WARS2: variants seen among roughly 807,000 people sequenced by gnomAD.
The protein encoded by WARS2 is tryptophanyl tRNA synthetase 2, mitochondrial.
A neutral mutation model predicts 36.5 loss-of-function variants in WARS2; 28 were observed. The ratio of observed to expected loss-of-function variants is 0.77; its 90% CI spans 0.57 to 1.05. WARS2 has a LOEUF of 1.05. WARS2 is among the 50% of genes least tolerant of loss of function. The pLI, the probability that WARS2 is intolerant of heterozygous loss-of-function variation, is 0.00. For synonymous variants in WARS2, 174 were observed against 178.4 expected (o/e 0.98, Z 0.20); for missense variants, 435 against 456.8 (o/e 0.95, Z 0.44).
chr1:119,063,732 G>C (rs532005291), intron 2 of WARS2: 2 of 152,236 alleles, frequency 1.3e-5, no homozygotes, highest in African/African-American at 4.8e-5. Flanking sequence ...ATGTGGTGTT[G>C]AGCCTGCAGG....
chr1:119,129,764 T>A (rs1399337345), intron 1 of WARS2, among the ~76,000 whole-genome samples: 1 of 152,036 alleles, frequency 6.6e-6, no homozygotes, highest in Admixed American at 6.6e-5. Flanking sequence ...CCATTCTCTC[T>A]AACAGATATG....
At chr1:119,135,233 A>C (rs897767954) in intron 1 of WARS2, among the ~76,000 whole-genome samples, 2 of 152,238 alleles carry the variant, frequency 1.3e-5, no homozygotes, top group African/African-American at 4.8e-5. Context: ...TGGAAGCTGC[A>C]GTATTTTTCA....
chr1:119,135,715 CAGAT>C (rs113027169), intron 1 of WARS2, among the ~76,000 whole-genome samples: 19,055 of 146,948 alleles, frequency 0.13, 1,282 homozygotes, highest in South Asian at 0.21. Context: ...ATTAGATAGA[CAGAT>C]AGATAGATAG....
Position 119,042,303 on chromosome 1 carries a change from G to A in WARS2, c.476C>T (p.Thr159Ile). The A allele has an allele frequency of 6.2e-7, 1 of 1,613,918 alleles. No homozygotes were observed. The highest frequency in any genetic ancestry group is 8.5e-7 in the Non-Finnish European group (1 of 1,179,914). Residue 159 changes from threonine (T) to isoleucine (I), a missense_variant, in exon 4 of 6, where the codon ACA becomes ATA. Physicochemically the swap from Thr to Ile is moderately conservative, Grantham distance 89. Coordinates refer to ENST00000235521, the MANE Select transcript of WARS2 (RefSeq NM_015836.4). ...QKHDGTVGLL[T>I]YPVLQAADIL... ...GTCGGCTGCCTGGAGTACTGGGTAT[G>A]TGAGCAGGCCCACCGTGCCATCGTG...
intron 1 of WARS2, among the ~76,000 whole-genome samples, chr1:119,087,999 C>T (rs912654396): frequency 6.6e-6 from 1 of 152,116 alleles, no homozygotes; most frequent in Admixed American, 6.5e-5. Context: ...ATTCTAAGAG[C>T]GGGGCTTATC....
At chr1:119,054,040 G>A (rs537041652) in intron 2 of WARS2, among the ~76,000 whole-genome samples, 1 of 151,508 alleles carries the variant, frequency 6.6e-6, no homozygotes, top group South Asian at 2.1e-4. Context: ...CTGAGCAACA[G>A]AGAGATACCC....
rs1421064080 is a variant in WARS2, at chr1:119,115,361, A to G, written c.90+25194T>C. Reference sequence around the variant, plus strand: ...AAGTTGGCAGTAACCCTTGTGATCTATTTTGCTGGGATATATATTGTCACT... The same window carrying G: ...AAGTTGGCAGTAACCCTTGTGATCTGTTTTGCTGGGATATATATTGTCACT... On this transcript the variant is annotated intron_variant, in intron 1 of 5. Transcript: ENST00000235521. Among the ~76,000 whole-genome samples the G allele has an allele frequency of 2.6e-5, 4 of 152,108 alleles. No individual in the cohort carries two copies. In the East Asian group the frequency reaches 5.8e-4, roughly 22 times the overall value.
intron 1 of WARS2, among the ~76,000 whole-genome samples, chr1:119,118,854 T>C (rs1014369590): frequency 5.3e-5 from 8 of 152,110 alleles, no homozygotes; most frequent in African/African-American, 1.7e-4. Context: ...GAAGGAGAGA[T>C]AAAGCCATTT....
At chr1:119,087,678 G>A (rs1652769504) in intron 1 of WARS2, among the ~76,000 whole-genome samples, 1 of 152,218 alleles carries the variant, frequency 6.6e-6, no homozygotes, top group Non-Finnish European at 1.5e-5. Flanking sequence ...GAGCAATTAT[G>A]CATGCAGAGG....
chr1:119,066,522 G>T (rs970379121), intron 2 of WARS2, among the ~76,000 whole-genome samples: 5 of 145,140 alleles, frequency 3.4e-5, no homozygotes, highest in African/African-American at 1.3e-4. Flanking sequence ...ACTGAAAAAT[G>T]ATAATGTATA....
In WARS2 at chr1:119,105,845, G is replaced by A. The variant is rs371809178; in HGVS notation, c.91-29238C>T. Among the ~76,000 whole-genome samples the A allele has an allele frequency of 7.9e-5, 12 of 152,262 alleles. 1 individual carries two copies. Among genetic ancestry groups the A allele is most frequent in the Admixed American group, 3.9e-4 (6 of 15,292 alleles). Reference sequence around the variant, plus strand: ...GAATCGCTTGAACCTGGGAGGTGGAGGTTGCAGTGAGCCGAGACTGAGCCA... The same window carrying A: ...GAATCGCTTGAACCTGGGAGGTGGAAGTTGCAGTGAGCCGAGACTGAGCCA... On this transcript the variant is annotated intron_variant, in intron 1 of 5. Coordinates refer to ENST00000235521, the MANE Select transcript of WARS2 (RefSeq NM_015836.4).
At chr1:119,039,907 C>A (rs149712329) in intron 4 of WARS2, among the ~76,000 whole-genome samples, 4 of 151,996 alleles carry the variant, frequency 2.6e-5, no homozygotes, top group African/African-American at 7.2e-5. Context: ...CTTCAATCTA[C>A]CATTCTACCT....
In WARS2 at chr1:119,031,566, T is replaced by C. The variant is rs1222824558; in HGVS notation, c.*1345A>G. ...GTTATGTATGTACAAATGGTGATCA[T>C]GGTCCTTACTGATAAAAAACTTATA... is the stretch of plus-strand genomic sequence containing the variant. On this transcript the variant is annotated 3_prime_UTR_variant, in exon 6 of 6. Coordinates refer to ENST00000235521, the MANE Select transcript of WARS2 (RefSeq NM_015836.4). 3 of 152,342 alleles carry C rather than the reference T, an allele frequency of 2.0e-5. No homozygotes were observed. The highest frequency in any genetic ancestry group is 2.9e-5 in the Non-Finnish European group (2 of 68,032). 9.4% of individuals were successfully genotyped at this position (152,342 alleles called of 1,614,324 possible).
chr1:119,086,062 C>A, intron 1 of WARS2: 1 of 1,228,028 alleles, frequency 8.1e-7, no homozygotes. Flanking sequence ...GTCTTGCTAT[C>A]TTGCCCAGAT....
intron 1 of WARS2, among the ~76,000 whole-genome samples, chr1:119,138,589 T>C (rs1656678481): frequency 6.6e-6 from 1 of 152,226 alleles, no homozygotes; most frequent in Non-Finnish European, 1.5e-5. Context: ...TTCCAGGCTT[T>C]TTTTCTATGT....
At chr1:119,100,770 C>A (rs984480209) in intron 1 of WARS2, among the ~76,000 whole-genome samples, 6 of 152,118 alleles carry the variant, frequency 3.9e-5, no homozygotes, top group Non-Finnish European at 8.8e-5. Flanking sequence ...AAGTGATTCA[C>A]CCACCTCAGC....
At chr1:119,059,208 C>T (rs1267895672) in intron 2 of WARS2, among the ~76,000 whole-genome samples, 1 of 151,988 alleles carries the variant, frequency 6.6e-6, no homozygotes, top group African/African-American at 2.4e-5. Flanking sequence ...GATATTAGCC[C>T]TTTGTCAGAT....
chr1:119,102,684 T>C (rs1380750152), intron 1 of WARS2, among the ~76,000 whole-genome samples: 1 of 152,230 alleles, frequency 6.6e-6, no homozygotes, highest in Non-Finnish European at 1.5e-5. Context: ...AAGAACTTTA[T>C]ACCTGCCACC....
intron 1 of WARS2, among the ~76,000 whole-genome samples, chr1:119,108,407 T>C (rs1654391035): frequency 6.6e-6 from 1 of 151,970 alleles, no homozygotes; most frequent in Non-Finnish European, 1.5e-5. Flanking sequence ...CTTCTGTGAG[T>C]TTTAGCAAAT....
Sources: allele counts gnomAD v4.1 joint callset (sites outside exome capture counted in the v4.1 genomes callset), GRCh38; gene constraint gnomAD v4.1.1; transcripts MANE v1.5; gene names NCBI Gene and HGNC (gene_info 2026-07-23, HGNC 2026-07-21).